The following CARS1 variants were observed in gnomAD, a reference collection of about 807,000 sequenced individuals.
The protein encoded by CARS1 is cysteine--tRNA ligase, cytoplasmic.
Under a neutral mutation model 106.2 loss-of-function variants are expected in CARS1, and 48 were observed. The ratio of observed to expected loss-of-function variants is 0.45; its 90% CI spans 0.36 to 0.57. The LOEUF (loss-of-function observed/expected upper bound fraction) is 0.57, where lower values mean the gene tolerates loss of function less well. Among genes scored for constraint, CARS1 ranks in the 20% least tolerant of loss-of-function variants. The probability of loss-of-function intolerance (pLI) is 0.00; values close to 1 mark genes in which losing one functional copy is unlikely to be tolerated. For missense variants in CARS1, 968 were observed against 1,057.2 expected, an observed-to-expected ratio of 0.92 and a Z score of 1.17; for synonymous variants, 409 against 403.4, an observed-to-expected ratio of 1.01 and a Z score of -0.17.
chr11:3,054,893 C>G, intron 1 of CARS1: 1 of 702,566 alleles, frequency 1.4e-6, no homozygotes, highest in Non-Finnish European at 2.6e-6. Context: ...AGCAGCCGAC[C>G]AAGTGGTATC....
At chr11:3,018,295 C>T in intron 14 of CARS1, 113 bp downstream of exon 14, 1 of 703,928 alleles carries the variant, frequency 1.4e-6, no homozygotes, top group Non-Finnish European at 2.4e-6. Context: ...CACCCATGTG[C>T]TGGTCTCCAT....
Position 3,040,684 on chromosome 11 carries a change from G to A in CARS1, c.455+212C>T, listed in dbSNP as rs1254442917. 2.6e-5 allele frequency: 18 copies of A among 696,298 alleles called. No individual in the cohort carries two copies. Among genetic ancestry groups the A allele is most frequent in the Admixed American group, 6.2e-5 (3 of 48,332 alleles). 43.1% of individuals were successfully genotyped at this position (696,298 alleles called of 1,614,324 possible). ...ATGGACATTTTCTTTTTGGTGATCT[G>A]TAGTCTTTCTGCAGTGAATATAGAT... On this transcript the variant is annotated intron_variant, in intron 4 of 22. Transcript: ENST00000380525. The surrounding 1 kb of genome is among the most constrained non-coding windows in gnomAD (Gnocchi z 5.8).
intron 7 of CARS1, among the ~76,000 whole-genome samples, chr11:3,036,711 A>G (rs751765930): frequency 6.6e-6 from 1 of 152,226 alleles, no homozygotes; most frequent in Non-Finnish European, 1.5e-5. Flanking sequence ...ACCCAAACAG[A>G]TATTTGTACA....
rs1470534599 is a variant in CARS1, at chr11:3,017,886, C to G, written c.1698G>C (p.Trp566Cys). 6.2e-7 allele frequency: 1 copy of G among 1,613,450 alleles called. No homozygotes were observed. The highest frequency in any genetic ancestry group is 2.2e-5 in the East Asian group (1 of 44,872). ...TATTCAGTTCTGCTTCTTCTTCTCC[C>G]CACTTCTCAAACTGACCAGTGATGT... ...PVDITGQFEK[W>C]GEEEAELNKN... Residue 566 changes from tryptophan to cysteine, a missense_variant, in exon 15 of 23, where the codon TGG becomes TGC. Coordinates refer to ENST00000380525, the MANE Select transcript of CARS1 (RefSeq NM_001014437.3). The surrounding 1 kb of genome is among the most constrained non-coding windows in gnomAD (Gnocchi z 4.9).
At chr11:3,027,446 T>C (rs1852203365) in intron 9 of CARS1, 1 of 173,842 alleles carries the variant, frequency 5.8e-6, no homozygotes, top group Non-Finnish European at 1.2e-5. Context: ...TGAGCACTAC[T>C]GTGGGCGGCA....
intron 18 of CARS1, among the ~76,000 whole-genome samples, chr11:3,010,609 T>G (rs575730442): frequency 6.6e-6 from 1 of 152,168 alleles, no homozygotes; most frequent in Admixed American, 6.5e-5. Flanking sequence ...TCCAGAGCAC[T>G]TGTGGCAGCC....
In CARS1 at chr11:3,042,204, T is replaced by C. The variant is rs2134265325; in HGVS notation, c.327A>G (p.Pro109=). The C allele has an allele frequency of 2.5e-6, 4 of 1,613,948 alleles. 1 individual carries two copies. The South Asian group carries it at 3.3e-5, about 13-fold the overall frequency. Residue 109 remains proline, a synonymous_variant, in exon 3 of 23, where the codon CCA becomes CCG. Coordinates refer to ENST00000380525, the MANE Select transcript of CARS1 (RefSeq NM_001014437.3). ...GGCTGTTGTAAAGGTGGAGTCTGCATGGCTGGGTCCCAGCAGGAGGGGACC... is the reference window on the plus strand; with the variant it reads ...GGCTGTTGTAAAGGTGGAGTCTGCACGGCTGGGTCCCAGCAGGAGGGGACC... ...PQWSPPAGTQ[P]CRLHLYNSLT...
At position 3,037,936 on chromosome 11, in the gene CARS1, C is replaced by T; in HGVS notation, c.801+114G>A. On this transcript the variant is annotated intron_variant, in intron 7 of 22. Coordinates refer to ENST00000380525, the MANE Select transcript of CARS1 (RefSeq NM_001014437.3). This position sits in a 1 kb window ranked among gnomAD's most constrained non-coding sequence, Gnocchi z 5.9. ...TGCCACAGTGGAGCTACTGGAGACA[C>T]AGAGTGTCTTCCACTAAGACAATCT... The T allele has an allele frequency of 9.1e-7, 1 of 1,101,772 alleles. No individual in the cohort carries two copies. Among genetic ancestry groups the T allele is most frequent in the South Asian group, 1.6e-5 (1 of 63,314 alleles). 68.2% of individuals were successfully genotyped at this position (1,101,772 alleles called of 1,614,324 possible).
In CARS1 at chr11:3,029,070, A is replaced by T; in HGVS notation, c.957T>A (p.Asp319Glu). The part of the protein sequence containing the change: ...DMEALNVLPP[D>E]VLTRVSEYVP... ...CATACTCACTAACCCGGGTTAAGAC[A>T]TCTGGAGGGAGAACCTGTGCAAGAC... The change falls in exon 9 of 23, where the codon GAT (aspartate) becomes GAA (glutamate). Residue 319 changes from aspartate (D) to glutamate (E), a missense_variant. Transcript: ENST00000380525. This position sits in a 1 kb window ranked among gnomAD's most constrained non-coding sequence, Gnocchi z 5.9. The T allele has an allele frequency of 6.2e-7, 1 of 1,612,146 alleles. No individual in the cohort carries two copies. Among genetic ancestry groups the T allele is most frequent in the South Asian group, 1.1e-5 (1 of 91,022 alleles).
chr11:3,021,700 C>T lies in CARS1; in HGVS notation c.1154-1368G>A, dbSNP rs1384792178. On this transcript the variant is annotated intron_variant, in intron 10 of 22. Coordinates refer to ENST00000380525, the MANE Select transcript of CARS1 (RefSeq NM_001014437.3). The surrounding 1 kb of genome is among the most constrained non-coding windows in gnomAD (Gnocchi z 5.3). ...CTGTTACCATTTTGGTATACTGATTCCCAGATTAAAAAACAAACACACAAA... is the reference window on the plus strand; with the variant it reads ...CTGTTACCATTTTGGTATACTGATTTCCAGATTAAAAAACAAACACACAAA... Among the ~76,000 whole-genome samples the T allele has an allele frequency of 6.6e-6, 1 of 152,142 alleles. No homozygotes were observed.
chr11:3,019,887 G>C lies in CARS1; in HGVS notation c.1266+333C>G, dbSNP rs867613362. On this transcript the variant is annotated intron_variant, in intron 11 of 22. Transcript: ENST00000380525. This position sits in a 1 kb window ranked among gnomAD's most constrained non-coding sequence, Gnocchi z 6.2. ...AGTCAACAACTCCTGTCACCGGGAA[G>C]ATCAGAACGCATCCTACACCCTGGG... Among the ~76,000 whole-genome samples, 25 of 152,120 alleles carry C rather than the reference G, an allele frequency of 1.6e-4. No homozygotes were observed. Among genetic ancestry groups the C allele is most frequent in the Admixed American group, 9.8e-4 (15 of 15,272 alleles).
chr11:3,012,108 C>T (rs1481528731), intron 18 of CARS1, 87 bp downstream of exon 18: 27 of 1,215,844 alleles, frequency 2.2e-5, no homozygotes, highest in South Asian at 2.2e-4. Flanking sequence ...CCGGCCTGAA[C>T]GCCATAGTGC....
intron 16 of CARS1, 151 bp from the exon 17 acceptor site, chr11:3,016,000 C>T (rs899408177): frequency 2.5e-5 from 17 of 690,814 alleles, no homozygotes; most frequent in South Asian, 8.2e-5. Flanking sequence ...CCCAGAAACC[C>T]GAGCCTGAGG....
chr11:3,025,574 A>C (rs758700940), intron 10 of CARS1, among the ~76,000 whole-genome samples: 4 of 152,232 alleles, frequency 2.6e-5, no homozygotes, highest in Non-Finnish European at 5.9e-5. Flanking sequence ...ATTAGATAAA[A>C]GTATGAACAT....
chr11:3,015,431 C>A (rs143158332), intron 17 of CARS1, among the ~76,000 whole-genome samples: 4 of 152,354 alleles, frequency 2.6e-5, no homozygotes, highest in African/African-American at 4.8e-5. Flanking sequence ...TTACTGAATA[C>A]AGGTCAGTAT....
intron 17 of CARS1, among the ~76,000 whole-genome samples, chr11:3,014,149 A>C (rs1419546872): frequency 6.6e-6 from 1 of 152,092 alleles, no homozygotes; most frequent in South Asian, 2.1e-4. Context: ...CATTCACCCC[A>C]CTGCTAGGCT....
At chr11:3,018,562 G>A in intron 13 of CARS1, 51 bp from the exon 14 acceptor site, 1 of 1,612,512 alleles carries the variant, frequency 6.2e-7, no homozygotes, top group Non-Finnish European at 8.5e-7. Context: ...GAGTGCTACA[G>A]CCATTACACA....
intron 17 of CARS1, among the ~76,000 whole-genome samples, chr11:3,013,161 T>A (rs997006470): frequency 6.9e-6 from 1 of 144,460 alleles, no homozygotes; most frequent in Non-Finnish European, 1.5e-5. Flanking sequence ...GCATTTCCCC[T>A]TTTTTTTTTT....
rs1856310586 is a variant in CARS1, at chr11:3,057,263, C to T, written c.25+80G>A. The T allele has an allele frequency of 1.1e-5, 14 of 1,273,498 alleles. No homozygotes were observed. The East Asian group carries it at 3.4e-4, about 31-fold the overall frequency. The allele number at this position is 1,273,498 out of a possible 1,614,324, so 78.9% of individuals were successfully genotyped here. On this transcript the variant is annotated intron_variant, in intron 1 of 22. Transcript: ENST00000380525. Reference sequence around the variant, plus strand: ...CACCCGGGCCCCTCAGACATAAGGACTCGCTGCCCTTCGAGCCGAGCACCC... The same window carrying T: ...CACCCGGGCCCCTCAGACATAAGGATTCGCTGCCCTTCGAGCCGAGCACCC...
Sources: gnomAD v4.1 joint callset for allele counts (sites outside exome capture counted in the v4.1 genomes callset) on GRCh38, gnomAD v4.1.1 for gene constraint, Gnocchi (gnomAD v3.1) non-coding constraint, MANE v1.5 for transcripts, NCBI Gene and HGNC (gene_info 2026-07-23, HGNC 2026-07-21) for gene names.